Variants in SPAG16 observed in about 807,000 individuals in gnomAD.
The protein encoded by SPAG16 is sperm-associated antigen 16 protein.
Under a neutral mutation model 80.4 loss-of-function variants are expected in SPAG16, and 86 were observed. The ratio of observed to expected loss-of-function variants is 1.07; its 90% CI spans 0.90 to 1.28. The LOEUF (loss-of-function observed/expected upper bound fraction) is 1.28. SPAG16 is among the 50% of genes most tolerant of loss of function. The pLI, the probability that SPAG16 is intolerant of heterozygous loss-of-function variation, is 0.00. For synonymous variants in SPAG16, 294 were observed against 265.9 expected (o/e 1.11, Z -1.03); for missense variants, 870 against 765.3 (o/e 1.14, Z -1.61).
chr2:214,405,807 T>G (rs755559337), intron 15 of SPAG16, among the ~76,000 whole-genome samples: 9 of 152,034 alleles, frequency 5.9e-5, no homozygotes, highest in African/African-American at 1.7e-4. Flanking sequence ...CAAAAATAAA[T>G]AAATAAAGAA....
At chr2:214,271,314 T>C (rs1271644168) in intron 15 of SPAG16, among the ~76,000 whole-genome samples, 1 of 152,150 alleles carries the variant, frequency 6.6e-6, no homozygotes, top group Non-Finnish European at 1.5e-5. Context: ...TATTTTAAAA[T>C]TTTTCCCCAT....
chr2:213,671,154 A>G (rs2063798732), intron 10 of SPAG16, among the ~76,000 whole-genome samples: 1 of 152,246 alleles, frequency 6.6e-6, no homozygotes, highest in African/African-American at 2.4e-5. Flanking sequence ...ATTTTAACAT[A>G]CTAGAAAAAT....
chr2:214,182,146 C>T (rs2057327486), intron 15 of SPAG16, among the ~76,000 whole-genome samples: 1 of 151,242 alleles, frequency 6.6e-6, no homozygotes, highest in Non-Finnish European at 1.5e-5. Context: ...AATATATATA[C>T]ATATATATAT....
At chr2:213,339,343 A>G (rs1039542416) in intron 5 of SPAG16, among the ~76,000 whole-genome samples, 1 of 151,724 alleles carries the variant, frequency 6.6e-6, no homozygotes, top group Non-Finnish European at 1.5e-5. Context: ...TCCATTTTTC[A>G]GAATGGAAAT....
chr2:213,456,358 A>G (rs149965241), intron 9 of SPAG16, among the ~76,000 whole-genome samples: 43 of 152,328 alleles, frequency 2.8e-4, no homozygotes, highest in Non-Finnish European at 5.3e-4. Flanking sequence ...TTTAATCCCA[A>G]ACTCTATTAA....
chr2:213,522,840 C>T (rs2075731522), intron 10 of SPAG16, among the ~76,000 whole-genome samples: 1 of 148,004 alleles, frequency 6.8e-6, no homozygotes, highest in Non-Finnish European at 1.5e-5. Flanking sequence ...ATATAACAAA[C>T]ATATATATAA....
intron 14 of SPAG16, among the ~76,000 whole-genome samples, chr2:214,135,485 C>T (rs956782782): frequency 1.1e-4 from 16 of 152,038 alleles, no homozygotes; most frequent in African/African-American, 2.9e-4. Context: ...TCATGGGTCC[C>T]GGAGTTCGGA....
At chr2:214,385,423 C>A (rs1427228508) in intron 15 of SPAG16, among the ~76,000 whole-genome samples, 1 of 152,162 alleles carries the variant, frequency 6.6e-6, no homozygotes, top group Admixed American at 6.5e-5. Context: ...TATGAAGAAT[C>A]TGAGTCACAG....
intron 9 of SPAG16, among the ~76,000 whole-genome samples, chr2:213,472,829 A>G (rs561996783): frequency 6.6e-6 from 1 of 152,230 alleles, no homozygotes; most frequent in Non-Finnish European, 1.5e-5. Context: ...GCTCAGAGGC[A>G]GTGACCATTA....
chr2:214,194,980 A>G (rs1420944672), intron 15 of SPAG16, among the ~76,000 whole-genome samples: 1 of 152,092 alleles, frequency 6.6e-6, no homozygotes, highest in African/African-American at 2.4e-5. Flanking sequence ...GCCCTCATAA[A>G]ACTTATAGTG....
At chr2:214,255,750 G>A (rs964421999) in intron 15 of SPAG16, among the ~76,000 whole-genome samples, 1 of 151,820 alleles carries the variant, frequency 6.6e-6, no homozygotes. Flanking sequence ...GCAAATAAAT[G>A]GAATCTTTTG....
intron 12 of SPAG16, among the ~76,000 whole-genome samples, chr2:213,936,525 G>C (rs888491599): frequency 2.0e-5 from 3 of 152,196 alleles, no homozygotes; most frequent in Non-Finnish European, 4.4e-5. Context: ...CCAGGCCAAA[G>C]ATGTAGAAGG....
intron 12 of SPAG16, among the ~76,000 whole-genome samples, chr2:213,949,512 C>T (rs754263418): frequency 3.9e-5 from 6 of 152,120 alleles, no homozygotes; most frequent in Non-Finnish European, 8.8e-5. Flanking sequence ...TCCAACATGG[C>T]TAATCTCTAA....
At chr2:214,290,007 A>G (rs1036314574) in intron 15 of SPAG16, among the ~76,000 whole-genome samples, 3 of 151,988 alleles carry the variant, frequency 2.0e-5, no homozygotes, top group African/African-American at 7.2e-5. Context: ...TTAGTTCTTT[A>G]TATGTTTGGT....
At chr2:213,813,300 T>A (rs539506149) in intron 10 of SPAG16, among the ~76,000 whole-genome samples, 14 of 152,242 alleles carry the variant, frequency 9.2e-5, no homozygotes, top group African/African-American at 3.4e-4. Context: ...GAATAAACAT[T>A]TTAATGAAAT....
intron 9 of SPAG16, among the ~76,000 whole-genome samples, chr2:213,437,866 G>T (rs2070732191): frequency 6.6e-6 from 1 of 152,142 alleles, no homozygotes. Context: ...ACAGTAAATA[G>T]CTCTGTCGCT....
rs771803590 is a variant in SPAG16 at position 214,258,490 on chromosome 2, T to TATAC, written c.1720+109225_1720+109226insTACA. Reference sequence around the variant, plus strand: ...GTGTGTGTATATATATATATATATATACACACACACATATATGTACATATA... The same window carrying TATAC: ...GTGTGTGTATATATATATATATATATATACACACACACACATATATGTACATATA... On this transcript the variant is annotated intron_variant, in intron 15 of 15. Coordinates refer to ENST00000331683, the MANE Select transcript of SPAG16 (RefSeq NM_024532.5). 7.6e-4 allele frequency among the ~76,000 whole-genome samples: 112 copies of TATAC among 147,468 alleles called. 1 individual carries two copies. Among genetic ancestry groups the TATAC allele is most frequent in the African/African-American group, 2.3e-3 (91 of 39,284 alleles).
chr2:214,014,145 T>C (rs2047467223), intron 13 of SPAG16, 68 bp downstream of exon 13: 1 of 1,578,662 alleles, frequency 6.3e-7, no homozygotes, highest in Non-Finnish European at 8.6e-7. Flanking sequence ...ATTCTTTGGG[T>C]ATGGAATATG....
intron 9 of SPAG16, among the ~76,000 whole-genome samples, chr2:213,443,890 C>G (rs768649834): frequency 1.3e-5 from 2 of 152,056 alleles, no homozygotes; most frequent in Non-Finnish European, 2.9e-5. Flanking sequence ...GGGAAGTACT[C>G]TCACTCCAAT....
Sources: allele counts gnomAD v4.1 joint callset (sites outside exome capture counted in the v4.1 genomes callset), GRCh38; gene constraint gnomAD v4.1.1; transcripts MANE v1.5; gene names NCBI Gene and HGNC (gene_info 2026-07-23, HGNC 2026-07-21).